The following AGTPBP1 variants were observed in gnomAD, a reference collection of about 807,000 sequenced individuals.
The protein encoded by AGTPBP1 is cytosolic carboxypeptidase 1.
In AGTPBP1, 70 loss-of-function variants were observed where a neutral mutation model predicts 143.9. That is an observed-to-expected ratio of 0.49 (90% CI 0.40 to 0.59). The LOEUF (loss-of-function observed/expected upper bound fraction) is 0.59. Ranked by LOEUF, AGTPBP1 falls within the 20% of genes least tolerant of loss-of-function variation. The pLI, the probability that AGTPBP1 is intolerant of heterozygous loss-of-function variation, is 0.00. For missense variants in AGTPBP1, 1,229 were observed against 1,464.5 expected (o/e 0.84, Z 2.62); for synonymous variants, 463 against 500.2 (o/e 0.93, Z 0.99).
At chr9:85,796,642 T>C in the AGTPBP1 span, among the ~76,000 whole-genome samples, 1 of 152,052 alleles carries the variant, frequency 6.6e-6, no homozygotes, top group East Asian at 1.9e-4. Context: ...GCACAGTGAA[T>C]GTTCAAAATC....
At chr9:85,693,076 A>G (rs1835985572) in intron 2 of AGTPBP1, among the ~76,000 whole-genome samples, 1 of 152,188 alleles carries the variant, frequency 6.6e-6, no homozygotes, top group African/African-American at 2.4e-5. Flanking sequence ...GTAATCTTAC[A>G]TCACACCTGG....
the AGTPBP1 span, chr9:85,770,343 A>G: frequency 2.5e-6 from 4 of 1,608,426 alleles, no homozygotes; most frequent in Non-Finnish European, 2.6e-6. Flanking sequence ...CTGCAATTGA[A>G]TACAAGAATG....
chr9:85,687,708 C>G (rs1304706941), intron 3 of AGTPBP1, among the ~76,000 whole-genome samples: 74 of 152,074 alleles, frequency 4.9e-4, no homozygotes, highest in Non-Finnish European at 1.5e-4. Context: ...TAGAATGTAG[C>G]TAAAGCAGTG....
chr9:85,778,535 T>C, the AGTPBP1 span, among the ~76,000 whole-genome samples: 10 of 152,184 alleles, frequency 6.6e-5, no homozygotes, highest in Non-Finnish European at 1.3e-4. Flanking sequence ...CCTGGACCTA[T>C]TGCAGAGCCT....
chr9:85,721,422 T>A (rs1838105682), intron 1 of AGTPBP1, among the ~76,000 whole-genome samples: 1 of 152,220 alleles, frequency 6.6e-6, no homozygotes, highest in Non-Finnish European at 1.5e-5. Context: ...TGTAATGGCC[T>A]TCTTGGTCTC....
intron 11 of AGTPBP1, among the ~76,000 whole-genome samples, chr9:85,650,566 T>C (rs1833102335): frequency 6.6e-6 from 1 of 152,212 alleles, no homozygotes; most frequent in African/African-American, 2.4e-5. Context: ...GGTCAACAGG[T>C]TACTAGTAGT....
chr9:85,640,756 GA>G lies in AGTPBP1; in HGVS notation c.1302+2070del, dbSNP rs1438048901. ...ACAACTCATCACAATCTAAAAGAAA[GA>G]AAACTCATTTGTGAAAGGATAAGAA... On this transcript the variant is annotated intron_variant, in intron 13 of 25. Transcript: ENST00000357081. 2.0e-5 allele frequency among the ~76,000 whole-genome samples: 3 copies of G among 152,280 alleles called. No individual in the cohort carries two copies. The South Asian group carries it at 6.2e-4, about 32-fold the overall frequency.
At chr9:85,786,259 C>T in the AGTPBP1 span, 154 of 1,592,296 alleles carry the variant, frequency 9.7e-5, 1 homozygote, top group East Asian at 2.0e-3. Context: ...TCCTCAAAAG[C>T]TCTGGGAAGA....
At chr9:85,753,060 C>G in the AGTPBP1 span, among the ~76,000 whole-genome samples, 1 of 152,010 alleles carries the variant, frequency 6.6e-6, no homozygotes, top group Non-Finnish European at 1.5e-5. Flanking sequence ...ATTTTCTTCT[C>G]AAATAGAGCC....
the AGTPBP1 span, among the ~76,000 whole-genome samples, chr9:85,747,144 A>T: frequency 6.6e-6 from 1 of 152,178 alleles, no homozygotes; most frequent in East Asian, 1.9e-4. Flanking sequence ...GGCCTGAGCC[A>T]CCATGCTTGG....
chr9:85,570,009 C>T (rs1032685778), intron 25 of AGTPBP1, among the ~76,000 whole-genome samples: 4 of 152,188 alleles, frequency 2.6e-5, no homozygotes, highest in Non-Finnish European at 2.9e-5. Flanking sequence ...CAGTAGTCCC[C>T]TATTACCTGC....
At chr9:85,733,380 T>G (rs979225096) in intron 1 of AGTPBP1, among the ~76,000 whole-genome samples, 5 of 152,090 alleles carry the variant, frequency 3.3e-5, no homozygotes, top group African/African-American at 7.2e-5. Flanking sequence ...TCTTAACCAA[T>G]GAATCAAAGA....
chr9:85,772,750 T>G, the AGTPBP1 span, among the ~76,000 whole-genome samples: 2 of 152,094 alleles, frequency 1.3e-5, no homozygotes, highest in Non-Finnish European at 2.9e-5. Flanking sequence ...TGAGACTCCA[T>G]CTTAACAATA....
chr9:85,787,456 T>A, the AGTPBP1 span, among the ~76,000 whole-genome samples: 1 of 150,576 alleles, frequency 6.6e-6, no homozygotes, highest in Non-Finnish European at 1.5e-5. Context: ...AGGCTTCAAG[T>A]CTGATATTTT....
rs557889730 is a variant in AGTPBP1 at position 85,724,302 on chromosome 9, A to G, written c.-33-11736T>C. Among the ~76,000 whole-genome samples the G allele has an allele frequency of 3.3e-3, 502 of 151,902 alleles. 5 individuals carry two copies. Among genetic ancestry groups the G allele is most frequent in the East Asian group, 0.025 (131 of 5,152 alleles). ...ACTTTGTCTCAAAAAAAAAAAAAAA[A>G]AAAGAAAGAAATAAACATCTGTTCT... On this transcript the variant is annotated intron_variant, in intron 1 of 25. Transcript: ENST00000357081.
chr9:85,591,642 T>C (rs1564040406), intron 19 of AGTPBP1, among the ~76,000 whole-genome samples: 1 of 152,178 alleles, frequency 6.6e-6, no homozygotes. Flanking sequence ...CACAGAAAGA[T>C]ATATGAACAT....
At chr9:85,742,155 A>T (rs891035787), upstream of AGTPBP1, 238 of 578,312 alleles carry the variant, frequency 4.1e-4, 1 homozygote, top group African/African-American at 4.7e-3. Flanking sequence ...GACGGGAGGG[A>T]GCGCGCGCGT....
At position 85,703,625 on chromosome 9, in the gene AGTPBP1, T is replaced by G. The variant is rs776310059; in HGVS notation, c.32+8877A>C. On this transcript the variant is annotated intron_variant, in intron 2 of 25. Coordinates refer to ENST00000357081, the MANE Select transcript of AGTPBP1 (RefSeq NM_001330701.2). Reference sequence around the variant, plus strand: ...ACTGAGTCAGAGTAACACTAGAGGATGAAAAGATTTGCAAAGGCTCAATCT... The same window carrying G: ...ACTGAGTCAGAGTAACACTAGAGGAGGAAAAGATTTGCAAAGGCTCAATCT... Among the ~76,000 whole-genome samples the G allele has an allele frequency of 5.7e-4, 86 of 152,160 alleles. 1 individual carries two copies. The highest frequency in any genetic ancestry group is 1.0e-3 in the Non-Finnish European group (69 of 68,026).
chr9:85,663,875 T>C (rs942734620), intron 8 of AGTPBP1, among the ~76,000 whole-genome samples: 4 of 152,116 alleles, frequency 2.6e-5, no homozygotes, highest in African/African-American at 4.8e-5. Flanking sequence ...GCAGCTTTAT[T>C]TGTAACAGTC....
Sources: allele counts gnomAD v4.1 joint callset (sites outside exome capture counted in the v4.1 genomes callset), GRCh38; gene constraint gnomAD v4.1.1; transcripts MANE v1.5; gene names NCBI Gene and HGNC (gene_info 2026-07-23, HGNC 2026-07-21).